Variants in FRMD4A observed in about 807,000 individuals in gnomAD.
FRMD4A encodes the protein FERM domain-containing protein 4A.
In FRMD4A, 29 loss-of-function variants were observed where a neutral mutation model predicts 129.1. The observed-to-expected ratio is 0.22, with a 90% confidence interval of 0.17 to 0.31. The LOEUF is 0.31. Among genes scored for constraint, FRMD4A ranks in the 10% least tolerant of loss-of-function variants. FRMD4A has a pLI of 1.00. For synonymous variants in FRMD4A, 634 were observed against 571.6 expected (o/e 1.11, Z -1.56); for missense variants, 1,272 against 1,375.8 (o/e 0.92, Z 1.19).
chr10:14,146,624 CCTGA>C (rs143097965), intron 2 of FRMD4A, among the ~76,000 whole-genome samples: 2,339 of 152,260 alleles, frequency 0.015, 26 homozygotes, highest in Non-Finnish European at 0.024. Flanking sequence ...CCCAGAACTG[CCTGA>C]CTTTTTACTT....
intron 12 of FRMD4A, among the ~76,000 whole-genome samples, chr10:13,726,920 G>A (rs1369710311): frequency 6.7e-6 from 1 of 148,764 alleles, no homozygotes; most frequent in African/African-American, 2.5e-5. Context: ...TTCTGAGACA[G>A]GGTCCCACGA....
intron 12 of FRMD4A, 168 bp from the exon 13 acceptor site, chr10:13,707,281 C>G (rs143431372): frequency 1.2e-6 from 1 of 840,776 alleles, no homozygotes; most frequent in African/African-American, 1.7e-5. Context: ...CATACACACA[C>G]ACACGCAGCT....
At chr10:13,951,468 G>T (rs1030734904) in intron 2 of FRMD4A, among the ~76,000 whole-genome samples, 1 of 152,142 alleles carries the variant, frequency 6.6e-6, no homozygotes, top group Non-Finnish European at 1.5e-5. Flanking sequence ...GGGGAAAGTT[G>T]AAAGAGAAAG....
At chr10:14,271,558 G>T (rs1343077337) in intron 2 of FRMD4A, among the ~76,000 whole-genome samples, 1 of 152,216 alleles carries the variant, frequency 6.6e-6, no homozygotes. Flanking sequence ...CCTCCACCAG[G>T]AAGTGATTTT....
At chr10:13,940,599 A>G (rs942381302) in intron 2 of FRMD4A, among the ~76,000 whole-genome samples, 1 of 152,176 alleles carries the variant, frequency 6.6e-6, no homozygotes, top group Non-Finnish European at 1.5e-5. Context: ...ATGAGCCTGC[A>G]ACAGGAATGG....
chr10:13,649,174 T>TTAAAGTTGAGTCATAATTGTG (rs2081346487), intron 24 of FRMD4A: 1 of 152,208 alleles, frequency 6.6e-6, no homozygotes, highest in South Asian at 2.1e-4. Context: ...GTTGAAACTA[T>TTAAAGTTGAGTCATAATTGTG]TAAAGTTGAG....
At chr10:13,797,553 G>C (rs1423480033) in intron 4 of FRMD4A, among the ~76,000 whole-genome samples, 1 of 152,184 alleles carries the variant, frequency 6.6e-6, no homozygotes. Flanking sequence ...CTCGGAGGCT[G>C]GTCTTGGAAG....
At chr10:13,814,330 C>A (rs887327996) in intron 3 of FRMD4A, among the ~76,000 whole-genome samples, 1 of 151,772 alleles carries the variant, frequency 6.6e-6, no homozygotes, top group African/African-American at 2.4e-5. Context: ...GTGGCTCTTG[C>A]CTATAATCCC....
At chr10:14,135,722 T>A (rs1307650618) in intron 2 of FRMD4A, among the ~76,000 whole-genome samples, 1 of 152,220 alleles carries the variant, frequency 6.6e-6, no homozygotes, top group Non-Finnish European at 1.5e-5. Context: ...CAGATGATAC[T>A]TTCTATGAAA....
intron 2 of FRMD4A, among the ~76,000 whole-genome samples, chr10:14,031,269 A>ATT (rs11344544): frequency 1.4e-5 from 2 of 143,168 alleles, no homozygotes; most frequent in Non-Finnish European, 1.5e-5. Flanking sequence ...TTTTATAGAC[A>ATT]TTTTTTTTTT....
chr10:13,960,770 G>A (rs1565118365), intron 2 of FRMD4A, among the ~76,000 whole-genome samples: 1 of 152,098 alleles, frequency 6.6e-6, no homozygotes, highest in South Asian at 2.1e-4. Context: ...ACCAAGTTCT[G>A]GCCAATGAGA....
chr10:13,733,662 G>A (rs1290159908), intron 12 of FRMD4A, among the ~76,000 whole-genome samples: 1 of 152,190 alleles, frequency 6.6e-6, no homozygotes, highest in Non-Finnish European at 1.5e-5. Context: ...CCTGACCTCA[G>A]GTGATCTGTC....
chr10:14,252,344 A>G (rs879225414), intron 2 of FRMD4A, among the ~76,000 whole-genome samples: 2 of 152,260 alleles, frequency 1.3e-5, no homozygotes, highest in African/African-American at 4.8e-5. Context: ...ATTTTTGCCA[A>G]TTGGACAAAA....
At chr10:14,000,421 T>C (rs1025370687) in intron 2 of FRMD4A, among the ~76,000 whole-genome samples, 6 of 151,158 alleles carry the variant, frequency 4.0e-5, no homozygotes, top group African/African-American at 1.5e-4. Context: ...CTAAAGCGGG[T>C]GGATCACTTG....
At chr10:14,047,067 G>C (rs150554757) in intron 2 of FRMD4A, among the ~76,000 whole-genome samples, 1 of 152,136 alleles carries the variant, frequency 6.6e-6, no homozygotes, top group Non-Finnish European at 1.5e-5. Flanking sequence ...GAATGTGAAA[G>C]AATGACTCTC....
intron 2 of FRMD4A, among the ~76,000 whole-genome samples, chr10:13,927,152 G>A (rs1369638626): frequency 6.6e-6 from 1 of 152,112 alleles, no homozygotes; most frequent in African/African-American, 2.4e-5. Flanking sequence ...AGCTACTGGG[G>A]AGGTGGAGGC....
chr10:13,981,426 G>C (rs1279149067), intron 2 of FRMD4A, among the ~76,000 whole-genome samples: 1 of 152,118 alleles, frequency 6.6e-6, no homozygotes. Context: ...GTGTATGAAA[G>C]GACAAGCTAT....
intron 2 of FRMD4A, among the ~76,000 whole-genome samples, chr10:14,255,765 C>T (rs527333360): frequency 1.3e-5 from 2 of 152,128 alleles, no homozygotes; most frequent in South Asian, 2.1e-4. Flanking sequence ...CAGCACACTG[C>T]GAGGCCGAGG....
intron 2 of FRMD4A, chr10:14,096,992 G>C (rs760168599): frequency 2.0e-5 from 3 of 146,484 alleles, no homozygotes; most frequent in African/African-American, 8.2e-5. Flanking sequence ...AAAATTAGAC[G>C]GGGGTGGTGG....
Sources: allele counts gnomAD v4.1 joint callset (sites outside exome capture counted in the v4.1 genomes callset), GRCh38; gene constraint gnomAD v4.1.1; transcripts MANE v1.5; gene names NCBI Gene and HGNC (gene_info 2026-07-23, HGNC 2026-07-21).